Variants in ADD1 observed in about 807,000 individuals in gnomAD.
The protein encoded by ADD1 is alpha-adducin.
In ADD1, 24 loss-of-function variants were observed where a neutral mutation model predicts 80.5. The ratio of observed to expected loss-of-function variants is 0.30; its 90% confidence interval spans 0.22 to 0.42. The LOEUF (loss-of-function observed/expected upper bound fraction) is 0.42, where lower values mean the gene tolerates loss of function less well. Among genes scored for constraint, ADD1 ranks in the 10% least tolerant of loss-of-function variants. The pLI, the probability that ADD1 is intolerant of heterozygous loss-of-function variation, is 1.00. For missense variants in ADD1, 948 were observed against 1,019.0 expected (o/e 0.93, Z 0.95); for synonymous variants, 373 against 393.8 (o/e 0.95, Z 0.63).
intron 4 of ADD1, among the ~76,000 whole-genome samples, chr4:2,891,661 T>C (rs1454674193): frequency 6.6e-6 from 1 of 152,156 alleles, no homozygotes; most frequent in Non-Finnish European, 1.5e-5. Flanking sequence ...GCGAGCTTTA[T>C]TGTAGACACA....
intron 1 of ADD1, among the ~76,000 whole-genome samples, chr4:2,851,943 G>A (rs1727146077): frequency 2.6e-5 from 4 of 152,100 alleles, no homozygotes; most frequent in Admixed American, 2.6e-4. Flanking sequence ...CCAGGTTCAA[G>A]CAATTCTACT....
chr4:2,912,214 C>G (rs949823129), intron 13 of ADD1, among the ~76,000 whole-genome samples: 5 of 152,192 alleles, frequency 3.3e-5, no homozygotes. Flanking sequence ...AGGGGAGTGG[C>G]AGGAGGGGAA....
chr4:2,922,751 C>G (rs1397734678), intron 14 of ADD1, among the ~76,000 whole-genome samples: 1 of 152,238 alleles, frequency 6.6e-6, no homozygotes, highest in Non-Finnish European at 1.5e-5. Context: ...AACCCTTCCC[C>G]CAGGTGCTCT....
intron 2 of ADD1, chr4:2,881,691 T>A: frequency 2.3e-6 from 1 of 428,566 alleles, no homozygotes; most frequent in Non-Finnish European, 4.1e-6. Context: ...GAATTCCTGT[T>A]CAGAGTTTTA....
chr4:2,899,102 G>A, intron 8 of ADD1, 157 bp from the exon 9 acceptor site: 1 of 762,146 alleles, frequency 1.3e-6, no homozygotes, highest in South Asian at 2.1e-5. Flanking sequence ...ACTTCTGAAA[G>A]TAACTTTGTG....
intron 1 of ADD1, among the ~76,000 whole-genome samples, chr4:2,864,951 C>G (rs919176730): frequency 3.2e-4 from 49 of 152,058 alleles, no homozygotes; most frequent in Non-Finnish European, 5.1e-4. Flanking sequence ...ATAAATTAAT[C>G]TTTAAAAATG....
At chr4:2,909,076 T>C (rs1737556153) in intron 12 of ADD1, 1 of 519,336 alleles carries the variant, frequency 1.9e-6, no homozygotes, top group Non-Finnish European at 3.5e-6. Context: ...TTGAAGATAA[T>C]TGTGTAAGTA....
At chr4:2,881,324 C>A (rs914595701) in intron 2 of ADD1, among the ~76,000 whole-genome samples, 1 of 152,046 alleles carries the variant, frequency 6.6e-6, no homozygotes, top group African/African-American at 2.4e-5. Context: ...GGTGATCCAC[C>A]TGCCTTCGCC....
chr4:2,864,281 C>T (rs183977866), intron 1 of ADD1, among the ~76,000 whole-genome samples: 130 of 152,198 alleles, frequency 8.5e-4, no homozygotes, highest in Middle Eastern at 6.8e-3. Flanking sequence ...GGCGTGGTGG[C>T]GTGTGCCCGT....
chr4:2,884,440 C>A, intron 3 of ADD1, 75 bp from the exon 4 acceptor site: 2 of 1,235,910 alleles, frequency 1.6e-6, no homozygotes, highest in South Asian at 1.9e-5. Flanking sequence ...ATCCTCCTGC[C>A]TTAGCCTTCT....
intron 14 of ADD1, among the ~76,000 whole-genome samples, chr4:2,923,367 C>T (rs772581679): frequency 3.9e-5 from 6 of 152,228 alleles, no homozygotes; most frequent in Non-Finnish European, 8.8e-5. Context: ...CACAGTCCCT[C>T]ATGGCTTCCC....
intron 1 of ADD1, among the ~76,000 whole-genome samples, chr4:2,845,087 T>G (rs1229888148): frequency 6.6e-6 from 1 of 152,032 alleles, no homozygotes; most frequent in East Asian, 1.9e-4. Flanking sequence ...ATACCTTTTT[T>G]TTTTGAGACG....
At position 2,926,785 on chromosome 4, in the gene ADD1, A is replaced by C. The variant is rs962838367; in HGVS notation, c.2047+673A>C. 39 of 1,287,314 alleles carry C rather than the reference A, an allele frequency of 3.0e-5. No individual in the cohort carries two copies. Among genetic ancestry groups the C allele is most frequent in the Non-Finnish European group, 4.2e-5 (39 of 922,752 alleles). The allele number at this position is 1,287,314 out of a possible 1,614,324, so 79.7% of individuals were successfully genotyped here. A position where few individuals can be genotyped will look rare whatever the true frequency, so the allele number is the denominator to read the frequency against. On this transcript the variant is annotated intron_variant, in intron 15 of 15. Coordinates refer to ENST00000683351, the MANE Select transcript of ADD1 (RefSeq NM_001354761.2). The surrounding 1 kb of genome is among the most constrained non-coding windows in gnomAD (Gnocchi z 5.0). ...TTTTCTGTTTATTTAAAATAAAAACAGAAGCCCCCCTTTTTTGTACCCAGT... is the reference window on the plus strand; with the variant it reads ...TTTTCTGTTTATTTAAAATAAAAACCGAAGCCCCCCTTTTTTGTACCCAGT...
intron 1 of ADD1, among the ~76,000 whole-genome samples, chr4:2,863,049 A>G (rs549189936): frequency 6.6e-6 from 1 of 151,950 alleles, no homozygotes; most frequent in East Asian, 1.9e-4. Flanking sequence ...CAGTACTGTC[A>G]TGCCTATTGA....
At chr4:2,898,637 A>C (rs148827630) in intron 8 of ADD1, 106 bp downstream of exon 8, 1 of 957,378 alleles carries the variant, frequency 1.0e-6, no homozygotes, top group African/African-American at 1.6e-5. Flanking sequence ...TCTTTGAGCA[A>C]TCTCTTTGCC....
intron 9 of ADD1, among the ~76,000 whole-genome samples, chr4:2,903,964 G>A (rs1736618370): frequency 6.6e-6 from 1 of 152,202 alleles, no homozygotes; most frequent in South Asian, 2.1e-4. Flanking sequence ...CAGACGTAAA[G>A]TAATTTTGCT....
chr4:2,910,076 A>T (rs1560233883), intron 13 of ADD1, among the ~76,000 whole-genome samples: 1 of 146,430 alleles, frequency 6.8e-6, no homozygotes, highest in Non-Finnish European at 1.5e-5. Context: ...GCGGGCATCT[A>T]GTATGTGGAG....
intron 4 of ADD1, among the ~76,000 whole-genome samples, chr4:2,889,869 A>C (rs1027117197): frequency 1.4e-4 from 21 of 151,918 alleles, no homozygotes; most frequent in African/African-American, 5.1e-4. Flanking sequence ...TAAAAGCCGC[A>C]ACCTGGAAGG....
At chr4:2,914,425 T>TA (rs1467201904) in intron 13 of ADD1, among the ~76,000 whole-genome samples, 2 of 152,364 alleles carry the variant, frequency 1.3e-5, no homozygotes, top group Admixed American at 6.5e-5. Flanking sequence ...GAACAGAACT[T>TA]ACCTGTGCTC....
Sources: allele counts gnomAD v4.1 joint callset (sites outside exome capture counted in the v4.1 genomes callset), GRCh38; gene constraint gnomAD v4.1.1; non-coding constraint Gnocchi (gnomAD v3.1); transcripts MANE v1.5; gene names NCBI Gene and HGNC (gene_info 2026-07-23, HGNC 2026-07-21).